The following CARS2 variants were observed in gnomAD, a reference collection of about 807,000 sequenced individuals.
CARS2 encodes the protein cysteinyl-tRNA synthetase 2, mitochondrial, also known as probable cysteine--tRNA ligase, mitochondrial.
A neutral mutation model predicts 68.8 loss-of-function variants in CARS2; 52 were observed. That is an observed-to-expected ratio of 0.76 (90% confidence interval 0.61 to 0.95). The LOEUF is 0.95. Among genes scored for constraint, CARS2 ranks in the 40% least tolerant of loss-of-function variants. The probability of loss-of-function intolerance (pLI) is 0.00; values close to 1 mark genes in which losing one functional copy is unlikely to be tolerated. For missense variants in CARS2, 780 were observed against 754.2 expected (o/e 1.03, Z -0.40); for synonymous variants, 314 against 303.6 (o/e 1.03, Z -0.36).
At chr13:110,667,039 T>A (rs2062666923) in intron 8 of CARS2, 7 of 785,178 alleles carry the variant, frequency 8.9e-6, no homozygotes, top group Non-Finnish European at 1.1e-5. Context: ...TGTTCATAAT[T>A]ATCGTTACAT....
chr13:110,662,285 C>CATG (rs562838305), intron 9 of CARS2, among the ~76,000 whole-genome samples: 2 of 150,030 alleles, frequency 1.3e-5, no homozygotes, highest in Non-Finnish European at 1.5e-5. Context: ...CGGGCTCCGA[C>CATG]CCCCCTCTGC....
chr13:110,641,412 C>T (rs894539200), downstream of CARS2: 29 of 770,520 alleles, frequency 3.8e-5, no homozygotes, highest in Non-Finnish European at 5.8e-5. Flanking sequence ...GCCAGTGGGA[C>T]ACTGTTGGTT....
chr13:110,677,427 AC>A (rs2062990831), intron 6 of CARS2, among the ~76,000 whole-genome samples: 1 of 140,758 alleles, frequency 7.1e-6, no homozygotes, highest in African/African-American at 2.7e-5. Context: ...AAACCCAATC[AC>A]CCCCACCATG....
intron 3 of CARS2, among the ~76,000 whole-genome samples, chr13:110,689,408 G>T (rs968086471): frequency 1.3e-5 from 2 of 152,188 alleles, no homozygotes; most frequent in Non-Finnish European, 2.9e-5. Context: ...GCCACACGTG[G>T]GGCCAGGTCC....
At chr13:110,712,642 G>A (rs757525528) in intron 1 of CARS2, 2 of 575,276 alleles carry the variant, frequency 3.5e-6, no homozygotes, top group East Asian at 3.4e-5. Context: ...GGGGCGACGC[G>A]GGGGAGGGCG....
At chr13:110,662,560 T>C (rs746098066) in intron 9 of CARS2, among the ~76,000 whole-genome samples, 33 of 152,282 alleles carry the variant, frequency 2.2e-4, no homozygotes, top group Non-Finnish European at 4.0e-4. Flanking sequence ...AATTTACCAA[T>C]TTAATTGAGG....
chr13:110,702,581 GAA>G (rs2063819126), intron 2 of CARS2, among the ~76,000 whole-genome samples: 1 of 152,204 alleles, frequency 6.6e-6, no homozygotes, highest in African/African-American at 2.4e-5. Flanking sequence ...TAAAGCAAAT[GAA>G]AACAAGAGTC....
At chr13:110,664,191 T>C in intron 8 of CARS2, 2 of 985,362 alleles carry the variant, frequency 2.0e-6, no homozygotes, top group Non-Finnish European at 2.4e-6. Context: ...ACTCTTCCTC[T>C]TTTTCTGACA....
At chr13:110,697,808 CAA>C in intron 3 of CARS2, 1 of 369,684 alleles carries the variant, frequency 2.7e-6, no homozygotes, top group Non-Finnish European at 5.3e-6. Flanking sequence ...CAGCCAGAAG[CAA>C]TACAAACAGC....
At chr13:110,704,095 A>G (rs946182419) in intron 2 of CARS2, among the ~76,000 whole-genome samples, 1 of 152,238 alleles carries the variant, frequency 6.6e-6, no homozygotes, top group Non-Finnish European at 1.5e-5. Flanking sequence ...CCAGAAAGAA[A>G]GAAATTTCTG....
At chr13:110,696,846 T>C (rs2139905222) in intron 3 of CARS2, among the ~76,000 whole-genome samples, 1 of 152,350 alleles carries the variant, frequency 6.6e-6, no homozygotes, top group African/African-American at 2.4e-5. Context: ...TCCTCCTTCC[T>C]GCAGTTCTCT....
chr13:110,677,725 C>CGCCACGGAAACCCAGACAGCCACCCT (rs2063005034), intron 6 of CARS2, among the ~76,000 whole-genome samples: 2 of 85,140 alleles, frequency 2.3e-5, no homozygotes, highest in African/African-American at 8.8e-5. Context: ...ACAGCCACCC[C>CGCCACGGAAACCCAGACAGCCACCCT]GCCACGGAAA....
rs1349343691 is a variant in CARS2 at position 110,687,732 on chromosome 13, G to A, written c.560C>T (p.Ser187Leu). 1 of 1,553,050 alleles carries A rather than the reference G, an allele frequency of 6.4e-7. No individual in the cohort carries two copies. The highest frequency in any genetic ancestry group is 2.3e-5 in the East Asian group (1 of 44,332). The change falls in exon 5 of 15, where the codon TCA becomes TTA. Residue 187 changes from serine to leucine, a missense_variant. Transcript: ENST00000257347. ...AACATAAACCCTACCTTTTGCCGTT[G>A]AATAAGCGTTCCCACGAGCAATGAT... ...EGIIARGNAY[S>L]TAKGNVYFDL...
intron 5 of CARS2, among the ~76,000 whole-genome samples, chr13:110,685,984 G>GA (rs2063289889): frequency 2.2e-4 from 2 of 8,998 alleles, no homozygotes; most frequent in African/African-American, 4.5e-4. Flanking sequence ...TGCTTACCCA[G>GA]AAAAAATGAA....
upstream of CARS2, among the ~76,000 whole-genome samples, chr13:110,711,120 G>A (rs1433383351): frequency 6.6e-6 from 1 of 152,078 alleles, no homozygotes; most frequent in Non-Finnish European, 1.5e-5. Context: ...TGCTTTTTGA[G>A]GGAAAGGCGT....
chr13:110,646,008 G>C lies in CARS2; in HGVS notation c.1276C>G (p.Leu426Val), dbSNP rs1429205157. ...AGCTGTCCATTCCCGTGGTGTGCAA[G>C]GCCCAGGATGGCATCAACCACCCTG... ...TPRVVDAILGLAHHGNGQLRA... is the reference protein window; with the variant it reads ...TPRVVDAILGVAHHGNGQLRA... Residue 426 changes from leucine (L) to valine (V), a missense_variant, in exon 12 of 15, where the codon CTT (leucine) becomes GTT (valine). Physicochemically the swap from Leu to Val is conservative, Grantham distance 32. Transcript: ENST00000257347. 1 of 1,613,786 alleles carries C rather than the reference G, an allele frequency of 6.2e-7. No homozygotes were observed. Among genetic ancestry groups the C allele is most frequent in the African/African-American group, 1.3e-5 (1 of 74,916 alleles).
chr13:110,671,661 G>A (rs1324409215), intron 7 of CARS2, among the ~76,000 whole-genome samples: 1 of 152,150 alleles, frequency 6.6e-6, no homozygotes, highest in African/African-American at 2.4e-5. Context: ...ATCAACTAAC[G>A]AGCAAAATAA....
At chr13:110,687,553 C>T (rs1022810530) in intron 5 of CARS2, among the ~76,000 whole-genome samples, 168 bp downstream of exon 5, 1 of 151,852 alleles carries the variant, frequency 6.6e-6, no homozygotes, top group African/African-American at 2.4e-5. Context: ...TGGCACGCAC[C>T]TTGTAGTCCC....
intron 3 of CARS2, among the ~76,000 whole-genome samples, chr13:110,697,576 G>A (rs1211235151): frequency 1.3e-5 from 2 of 152,186 alleles, no homozygotes; most frequent in Non-Finnish European, 2.9e-5. Flanking sequence ...TCGAGTAGCT[G>A]GGATTACAGG....
Sources: gnomAD v4.1 joint callset for allele counts (sites outside exome capture counted in the v4.1 genomes callset) on GRCh38, gnomAD v4.1.1 for gene constraint, MANE v1.5 for transcripts, NCBI Gene and HGNC (gene_info 2026-07-23, HGNC 2026-07-21) for gene names.